ACVR2A: variants seen among roughly 807,000 people sequenced by gnomAD.
ACVR2A encodes activin receptor type-2A.
A neutral mutation model predicts 61.4 loss-of-function variants in ACVR2A; 7 were observed. The observed-to-expected ratio is 0.11, with a 90% CI of 0.06 to 0.21. ACVR2A has a LOEUF of 0.21. Ranked by LOEUF, ACVR2A falls within the 10% of genes least tolerant of loss-of-function variation. The pLI is 1.00. For missense variants in ACVR2A, 322 were observed against 621.7 expected (o/e 0.52, Z 5.13); for synonymous variants, 193 against 208.3 (o/e 0.93, Z 0.63).
intron 4 of ACVR2A, among the ~76,000 whole-genome samples, chr2:147,908,831 C>T (rs192087504): frequency 1.3e-5 from 2 of 151,806 alleles, no homozygotes; most frequent in East Asian, 3.9e-4. Context: ...AAAAATCAGT[C>T]TCTCTCTCTC....
intron 1 of ACVR2A, among the ~76,000 whole-genome samples, chr2:147,850,074 G>A (rs1016679952): frequency 6.6e-6 from 1 of 152,042 alleles, no homozygotes; most frequent in African/African-American, 2.4e-5. Context: ...TTGATACTAG[G>A]GGTCACTGGT....
chr2:147,888,222 T>G (rs916369155), intron 1 of ACVR2A, among the ~76,000 whole-genome samples: 1 of 152,212 alleles, frequency 6.6e-6, no homozygotes, highest in African/African-American at 2.4e-5. Flanking sequence ...TTATTGCAGT[T>G]ACATTTTAAG....
At chr2:147,876,997 G>GTAAAGCTTA (rs1686173783) in intron 1 of ACVR2A, among the ~76,000 whole-genome samples, 4 of 151,668 alleles carry the variant, frequency 2.6e-5, no homozygotes, top group African/African-American at 4.8e-5. Flanking sequence ...AGCCTTATTA[G>GTAAAGCTTA]TAAAGCTGCT....
chr2:147,880,218 A>T (rs543499794), intron 1 of ACVR2A, among the ~76,000 whole-genome samples: 113 of 152,028 alleles, frequency 7.4e-4, no homozygotes, highest in African/African-American at 2.2e-3. Context: ...TTTAAAAAAA[A>T]TTTTTTATAG....
In ACVR2A at chr2:147,930,326, A is replaced by G. The variant is rs1687643534; in HGVS notation, c.*3052A>G. The G allele has an allele frequency of 6.7e-6, 1 of 150,330 alleles. No homozygotes were observed. Among genetic ancestry groups the G allele is most frequent in the African/African-American group, 2.5e-5 (1 of 40,778 alleles). 9.3% of individuals were successfully genotyped at this position (150,330 alleles called of 1,614,324 possible). A position where few individuals can be genotyped will look rare whatever the true frequency, so the allele number is the denominator to read the frequency against. On this transcript the variant is annotated 3_prime_UTR_variant, in exon 11 of 11. Transcript: ENST00000241416. ...AAAAACCATGGCGAGATGGTGGTTT[A>G]GTGGAATAAACTGATTACTGGTTTT...
intron 4 of ACVR2A, among the ~76,000 whole-genome samples, chr2:147,904,555 T>G (rs1686941963): frequency 6.6e-6 from 1 of 152,010 alleles, no homozygotes; most frequent in African/African-American, 2.4e-5. Context: ...CTGTTCAATC[T>G]TTATGATAGT....
At chr2:147,876,271 A>G (rs1449162753) in intron 1 of ACVR2A, among the ~76,000 whole-genome samples, 2 of 152,058 alleles carry the variant, frequency 1.3e-5, no homozygotes, top group African/African-American at 4.8e-5. Context: ...TTTGGCTTCC[A>G]TGACTTCTTG....
intron 1 of ACVR2A, among the ~76,000 whole-genome samples, chr2:147,883,392 T>G (rs1686356999): frequency 6.6e-6 from 1 of 152,208 alleles, no homozygotes; most frequent in Non-Finnish European, 1.5e-5. Flanking sequence ...CGTTTTGCCA[T>G]GTTGGCCAGG....
At chr2:147,901,147 C>T (rs1686863952) in intron 4 of ACVR2A, among the ~76,000 whole-genome samples, 2 of 151,942 alleles carry the variant, frequency 1.3e-5, no homozygotes, top group Non-Finnish European at 2.9e-5. Context: ...AGTTTTAGTA[C>T]CTAGTCTATG....
chr2:147,892,773 CACAGAT>C (rs1686618943), intron 1 of ACVR2A, among the ~76,000 whole-genome samples: 1 of 151,226 alleles, frequency 6.6e-6, no homozygotes, highest in Admixed American at 6.6e-5. Context: ...TCTGGTCATA[CACAGAT>C]ACATAGTTAG....
rs1558815429 is a variant in ACVR2A, at chr2:147,922,980, C to G, written c.1085C>G (p.Thr362Ser). ...SAGDTHGQVG[T>S]RRYMAPEVLE... ...TTTTAACATCTTTTTCAGGTTGGTA[C>G]CCGGAGGTACATGGCTCCAGAGGTA... The change falls in exon 9 of 11, where the codon ACC (threonine) becomes AGC (serine). Residue 362 changes from threonine to serine, a missense_variant. By Grantham distance (58) the Thr-to-Ser change is moderately conservative. Around this residue, in one of 3 missense-constraint regions of ACVR2A, gnomAD observed 146 missense variants for 383.8 expected, o/e 0.38. Coordinates refer to ENST00000241416, the MANE Select transcript of ACVR2A (RefSeq NM_001616.5). The G allele has an allele frequency of 6.2e-7, 1 of 1,607,578 alleles. No homozygotes were observed. The highest frequency in any genetic ancestry group is 8.5e-7 in the Non-Finnish European group (1 of 1,178,020).
intron 3 of ACVR2A, 41 bp from the exon 4 acceptor site, chr2:147,899,703 G>T: frequency 6.2e-7 from 1 of 1,605,962 alleles, no homozygotes; most frequent in South Asian, 1.1e-5. Flanking sequence ...ATAGAATTTT[G>T]TAGACCAAAT....
At chr2:147,908,051 A>AG (rs1687028976) in intron 4 of ACVR2A, among the ~76,000 whole-genome samples, 1 of 143,206 alleles carries the variant, frequency 7.0e-6, no homozygotes, top group African/African-American at 2.5e-5. Context: ...AAAAAAAAAA[A>AG]AAAGAAAAAA....
rs527273834 is a variant in ACVR2A at position 147,855,557 on chromosome 2, G to A, written c.55+10350G>A. On this transcript the variant is annotated intron_variant, in intron 1 of 10. Coordinates refer to ENST00000241416, the MANE Select transcript of ACVR2A (RefSeq NM_001616.5). ...TTAGGAACCTGTTGCATCAGTGTAA[G>A]CTAGAGAGACTCTCCTAGATCCCTT... Among the ~76,000 whole-genome samples the A allele has an allele frequency of 1.9e-3, 294 of 152,286 alleles. 1 individual carries two copies. The highest frequency in any genetic ancestry group is 6.9e-3 in the African/African-American group (287 of 41,560).
intron 1 of ACVR2A, among the ~76,000 whole-genome samples, chr2:147,848,662 T>G (rs140291721): frequency 3.4e-3 from 511 of 152,124 alleles, no homozygotes; most frequent in East Asian, 8.3e-3. Context: ...TACTCAAGGA[T>G]GGAGGGTGGG....
intron 1 of ACVR2A, among the ~76,000 whole-genome samples, chr2:147,846,354 G>T (rs1376346919): frequency 6.6e-6 from 1 of 151,374 alleles, no homozygotes; most frequent in African/African-American, 2.4e-5. Flanking sequence ...AAATTAAAGG[G>T]TGGTAGTCTT....
rs115440449 is a variant in ACVR2A at position 147,926,685 on chromosome 2, G to C, written c.1348-395G>C. On this transcript the variant is annotated intron_variant, in intron 10 of 10. Transcript: ENST00000241416. The stretch of plus-strand genomic sequence containing the variant: ...AGAAACCTGGCTAAAACCAGGTAGA[G>C]AAATCCCAAGGGTGGCTTTCTGATC... Among the ~76,000 whole-genome samples, 240 of 151,956 alleles carry C rather than the reference G, an allele frequency of 1.6e-3. 3 individuals carry two copies. The highest frequency in any genetic ancestry group is 5.5e-3 in the African/African-American group (228 of 41,516).
At chr2:147,924,266 TC>T (rs1294020915) in intron 9 of ACVR2A, among the ~76,000 whole-genome samples, 1 of 152,022 alleles carries the variant, frequency 6.6e-6, no homozygotes. Context: ...ATATGAACTC[TC>T]CATAACAAAT....
At chr2:147,853,606 A>C (rs1005070015) in intron 1 of ACVR2A, among the ~76,000 whole-genome samples, 1 of 152,120 alleles carries the variant, frequency 6.6e-6, no homozygotes, top group Non-Finnish European at 1.5e-5. Flanking sequence ...TGCTAAAGAA[A>C]ATAAATGTAA....
Sources: gnomAD v4.1 joint callset for allele counts (sites outside exome capture counted in the v4.1 genomes callset) on GRCh38, gnomAD v4.1.1 for gene constraint, gnomAD v4.1.1 regional missense constraint, MANE v1.5 for transcripts, NCBI Gene and HGNC (gene_info 2026-07-23, HGNC 2026-07-21) for gene names.